The following BICDL1 variants were observed in gnomAD, a reference collection of about 807,000 sequenced individuals.
BICDL1 encodes the protein BICD family-like cargo adapter 1.
In BICDL1, 20 loss-of-function variants were observed where a neutral mutation model predicts 76.8. The observed-to-expected ratio is 0.26, with a 90% CI of 0.18 to 0.38. The LOEUF (loss-of-function observed/expected upper bound fraction) is 0.38, where lower values mean the gene tolerates loss of function less well. BICDL1 is among the 10% of genes least tolerant of loss of function. The pLI is 1.00. For synonymous variants in BICDL1, 383 were observed against 337.1 expected (o/e 1.14, Z -1.49); for missense variants, 700 against 798.6 (o/e 0.88, Z 1.49).
At position 119,989,847 on chromosome 12, in the gene BICDL1, G is replaced by T; in HGVS notation, c.-22G>T. On this transcript the variant is annotated 5_prime_UTR_variant, in exon 1 of 10. Coordinates refer to ENST00000548673, the MANE Select transcript of BICDL1 (RefSeq NM_001367886.1). Reference sequence around the variant, plus strand: ...CGCGCGCGGGCCGGGCCGCACCGCTGCGGGCTCCGCGCGCGCGGGCCATGT... The same window carrying T: ...CGCGCGCGGGCCGGGCCGCACCGCTTCGGGCTCCGCGCGCGCGGGCCATGT... The T allele has an allele frequency of 7.6e-7, 1 of 1,314,300 alleles. No homozygotes were observed. The highest frequency in any genetic ancestry group is 9.6e-7 in the Non-Finnish European group (1 of 1,040,684). The allele number at this position is 1,314,300 out of a possible 1,614,324, so 81.4% of individuals were successfully genotyped here.
intron 9 of BICDL1, 162 bp from the exon 10 acceptor site, chr12:120,092,838 G>C: frequency 1.0e-6 from 1 of 985,412 alleles, no homozygotes; most frequent in Non-Finnish European, 1.2e-6. Flanking sequence ...CTGGTGTCTT[G>C]CCCACGCTCA....
intron 2 of BICDL1, among the ~76,000 whole-genome samples, chr12:120,059,473 A>C (rs1018570289): frequency 2.6e-5 from 4 of 151,756 alleles, no homozygotes; most frequent in Non-Finnish European, 4.4e-5. Flanking sequence ...ACGGGGTTTC[A>C]CCATGTTGGC....
intron 4 of BICDL1, among the ~76,000 whole-genome samples, chr12:120,065,534 T>A (rs1227829646): frequency 6.6e-6 from 1 of 152,184 alleles, no homozygotes; most frequent in Non-Finnish European, 1.5e-5. Context: ...CAAAAAGATA[T>A]CATCACTCCA....
At chr12:120,078,285 C>A (rs1027206572) in intron 7 of BICDL1, among the ~76,000 whole-genome samples, 4 of 152,244 alleles carry the variant, frequency 2.6e-5, no homozygotes, top group African/African-American at 7.2e-5. Flanking sequence ...TCTGATCTAG[C>A]TGTGTCCTCT....
intron 2 of BICDL1, among the ~76,000 whole-genome samples, chr12:120,042,769 C>T (rs1048909344): frequency 7.3e-5 from 11 of 150,058 alleles, no homozygotes; most frequent in African/African-American, 2.5e-4. Context: ...TGTGCCACTG[C>T]GCTCCAGCCT....
intron 2 of BICDL1, among the ~76,000 whole-genome samples, chr12:120,050,268 T>C (rs1952829250): frequency 6.7e-6 from 1 of 150,368 alleles, no homozygotes; most frequent in Admixed American, 6.6e-5. Flanking sequence ...TTTTTTTTTC[T>C]TTTTTTTTCT....
chr12:120,090,748 G>A, intron 9 of BICDL1: 2 of 464,548 alleles, frequency 4.3e-6, no homozygotes. Flanking sequence ...CCCCGTGGAG[G>A]GCAGGTTGTT....
intron 2 of BICDL1, among the ~76,000 whole-genome samples, chr12:120,043,603 A>G (rs566596544): frequency 6.6e-6 from 1 of 152,336 alleles, no homozygotes; most frequent in Non-Finnish European, 1.5e-5. Flanking sequence ...GAGATGACCT[A>G]TAGGAGGAAA....
At chr12:120,062,406 A>T (rs1953125180) in intron 3 of BICDL1, among the ~76,000 whole-genome samples, 1 of 151,984 alleles carries the variant, frequency 6.6e-6, no homozygotes, top group Admixed American at 6.5e-5. Flanking sequence ...GAGGGTAAGG[A>T]TCTTATCACC....
At chr12:120,002,406 G>A (rs917399760) in intron 2 of BICDL1, among the ~76,000 whole-genome samples, 18 of 152,140 alleles carry the variant, frequency 1.2e-4, no homozygotes, top group African/African-American at 4.3e-4. Context: ...TGCTGTCTGT[G>A]GGAGGTGTTC....
chr12:120,092,822 G>C, intron 9 of BICDL1, 178 bp from the exon 10 acceptor site: 1 of 985,406 alleles, frequency 1.0e-6, no homozygotes. Context: ...CGGCTCCTGC[G>C]TGCGCCTGGT....
chr12:120,090,962 T>C, intron 9 of BICDL1: 1 of 1,288,906 alleles, frequency 7.8e-7, no homozygotes. Flanking sequence ...TCTGATCTAG[T>C]GGCCTTTCTC....
chr12:120,010,931 A>G (rs1292789441), intron 2 of BICDL1, among the ~76,000 whole-genome samples: 1 of 152,158 alleles, frequency 6.6e-6, no homozygotes, highest in Non-Finnish European at 1.5e-5. Context: ...ATATTTACTG[A>G]TTAAGAAAAA....
At chr12:120,023,911 C>T (rs1380456705) in intron 2 of BICDL1, among the ~76,000 whole-genome samples, 1 of 152,060 alleles carries the variant, frequency 6.6e-6, no homozygotes, top group Non-Finnish European at 1.5e-5. Context: ...TTAGACTTAG[C>T]ATAGAAGAAC....
rs78555544 is a variant in BICDL1 at position 120,053,431 on chromosome 12, T to C, written c.646-8279T>C. Among the ~76,000 whole-genome samples the C allele has an allele frequency of 5.9e-3, 896 of 152,320 alleles. 14 individuals are homozygous for C. The highest frequency in any genetic ancestry group is 0.02 in the African/African-American group (851 of 41,570). On this transcript the variant is annotated intron_variant, in intron 2 of 9. Transcript: ENST00000548673. ...ATCCTGTAAGGGAGAAGAGCCCTTT[T>C]CCCCGTTTGTTGATTGAATTGTTTA...
Position 120,072,738 on chromosome 12 carries a change from C to A in BICDL1, c.1308+9C>A, listed in dbSNP as rs762432766. On this transcript the variant is annotated intron_variant, in intron 6 of 9. Transcript: ENST00000548673. Reference sequence around the variant, plus strand: ...ATGGCATGGAGCCCACGGTAAGAGGCCAGTCTGAGATGGTCCTTACCCCAC... The same window carrying A: ...ATGGCATGGAGCCCACGGTAAGAGGACAGTCTGAGATGGTCCTTACCCCAC... The A allele has an allele frequency of 3.7e-6, 6 of 1,609,262 alleles. No homozygotes were observed. The Admixed American group carries it at 1.0e-4, about 27-fold the overall frequency.
intron 8 of BICDL1, among the ~76,000 whole-genome samples, chr12:120,082,890 A>AT (rs1044695623): frequency 1.3e-5 from 2 of 150,754 alleles, no homozygotes; most frequent in East Asian, 2.0e-4. Context: ...ATTTTACTTT[A>AT]TTTTTTTTGA....
In BICDL1 at chr12:119,989,753, G is replaced by A. The variant is rs1345467478; in HGVS notation, c.-116G>A. On this transcript the variant is annotated 5_prime_UTR_variant, in exon 1 of 10. In the 5' UTR this introduces an upstream ATG that the reference lacks. Transcript: ENST00000548673. The stretch of plus-strand genomic sequence containing the variant: ...AGGGCTCGCGGGGACCCGGGGGCGC[G>A]TGCCGCGGCGCGAGGCGAGGCGCGG... 3.3e-6 allele frequency: 1 copy of A among 305,826 alleles called. No individual in the cohort carries two copies. The highest frequency in any genetic ancestry group is 2.3e-5 in the African/African-American group (1 of 43,318). 18.9% of individuals were successfully genotyped at this position (305,826 alleles called of 1,614,324 possible).
intron 2 of BICDL1, among the ~76,000 whole-genome samples, chr12:120,006,303 ATTTATC>A (rs1013955419): frequency 3.9e-5 from 6 of 152,176 alleles, no homozygotes; most frequent in African/African-American, 7.2e-5. Context: ...TGTTTTATGT[ATTTATC>A]TTTATATATG....
Sources: gnomAD v4.1 joint callset for allele counts (sites outside exome capture counted in the v4.1 genomes callset) on GRCh38, gnomAD v4.1.1 for gene constraint, MANE v1.5 for transcripts, NCBI Gene and HGNC (gene_info 2026-07-23, HGNC 2026-07-21) for gene names.